Variants in KIAA0586 observed in about 807,000 individuals in gnomAD.
The protein encoded by KIAA0586 is KIAA0586, also known as protein TALPID3.
A neutral mutation model predicts 169.8 loss-of-function variants in KIAA0586; 144 were observed. The observed-to-expected ratio is 0.85, with a 90% confidence interval of 0.74 to 0.97. KIAA0586 has a LOEUF of 0.97. Among genes scored for constraint, KIAA0586 ranks in the 50% least tolerant of loss-of-function variants. The pLI, the probability that KIAA0586 is intolerant of heterozygous loss-of-function variation, is 0.00. For missense variants in KIAA0586, 1,854 were observed against 1,823.0 expected (o/e 1.02, Z -0.31); for synonymous variants, 625 against 612.4 (o/e 1.02, Z -0.30).
At chr14:58,539,349 A>C (rs2046496367) in intron 29 of KIAA0586, among the ~76,000 whole-genome samples, 1 of 152,154 alleles carries the variant, frequency 6.6e-6, no homozygotes, top group African/African-American at 2.4e-5. Flanking sequence ...AATTTTTTTC[A>C]TATCACCCTA....
rs372841738 is a variant in KIAA0586, at chr14:58,477,245, A to C, written c.2944+4A>C. The C allele has an allele frequency of 1.1e-5, 16 of 1,433,062 alleles. No homozygotes were observed. The highest frequency in any genetic ancestry group is 1.5e-5 in the Non-Finnish European group (16 of 1,040,482). The allele number at this position is 1,433,062 out of a possible 1,614,324, so 88.8% of individuals were successfully genotyped here. A position where few individuals can be genotyped will look rare whatever the true frequency, so the allele number is the denominator to read the frequency against. The stretch of plus-strand genomic sequence containing the variant: ...GAACCACTGACTTCTGACATTGGTA[A>C]GTGAAATAGAATTTTTTTTTGTTTT... On this transcript the variant is annotated splice_donor_region_variant and intron_variant, in intron 20 of 30. Transcript: ENST00000652326.
At position 58,459,937 on chromosome 14, in the gene KIAA0586, C is replaced by T; in HGVS notation, c.1751C>T (p.Thr584Ile). The T allele has an allele frequency of 6.5e-7, 1 of 1,532,066 alleles. No individual in the cohort carries two copies. The highest frequency in any genetic ancestry group is 1.2e-5 in the South Asian group (1 of 83,898). The allele number at this position is 1,532,066 out of a possible 1,614,324, so 94.9% of individuals were successfully genotyped here. A position where few individuals can be genotyped will look rare whatever the true frequency, so the allele number is the denominator to read the frequency against. ...CAGAATATGACTAAAGATATTAGAACCAACACACAAGATAAAACTGTCAAC... is the reference window on the plus strand; with the variant it reads ...CAGAATATGACTAAAGATATTAGAATCAACACACAAGATAAAACTGTCAAC... Reference protein sequence around the residue: ...KGQNMTKDIRTNTQDKTVNKS... With the variant: ...KGQNMTKDIRINTQDKTVNKS... Residue 584 changes from threonine to isoleucine, a missense_variant, in exon 13 of 31, where the codon ACC becomes ATC. By Grantham distance (89) the Thr-to-Ile change is moderately conservative (BLOSUM62 -1). Coordinates refer to ENST00000652326, the MANE Select transcript of KIAA0586 (RefSeq NM_001329943.3).
chr14:58,547,193 C>G (rs1333589868), intron 30 of KIAA0586, among the ~76,000 whole-genome samples: 1 of 151,624 alleles, frequency 6.6e-6, no homozygotes, highest in Non-Finnish European at 1.5e-5. Context: ...AACCACAAAC[C>G]TTTAATTTCT....
chr14:58,498,693 A>G (rs1225794503), intron 26 of KIAA0586, 90 bp from the exon 27 acceptor site: 2 of 1,100,818 alleles, frequency 1.8e-6, no homozygotes, highest in Non-Finnish European at 2.5e-6. Flanking sequence ...CAAGGAGTCA[A>G]AGGGTATTGT....
chr14:58,451,069 A>G (rs2039335357), intron 8 of KIAA0586, among the ~76,000 whole-genome samples: 1 of 148,006 alleles, frequency 6.8e-6, no homozygotes, highest in Non-Finnish European at 1.5e-5. Context: ...GCTCACTGCA[A>G]GCTCCGCCTC....
At chr14:58,543,202 T>C (rs1457517472) in intron 30 of KIAA0586, among the ~76,000 whole-genome samples, 1 of 151,550 alleles carries the variant, frequency 6.6e-6, no homozygotes, top group Non-Finnish European at 1.5e-5. Context: ...TTGAGAAAAC[T>C]GGGGTTCAGA....
At chr14:58,439,129 A>G (rs571669437) in intron 4 of KIAA0586, among the ~76,000 whole-genome samples, 1 of 152,272 alleles carries the variant, frequency 6.6e-6, no homozygotes, top group Admixed American at 6.5e-5. Flanking sequence ...CACTTAATAA[A>G]TAGTTCTATG....
chr14:58,519,268 A>G (rs1280188265), intron 29 of KIAA0586, among the ~76,000 whole-genome samples: 1 of 152,220 alleles, frequency 6.6e-6, no homozygotes. Flanking sequence ...TTATAGAGAT[A>G]GAGTTTCACT....
chr14:58,474,674 C>A lies in KIAA0586; in HGVS notation c.2702C>A (p.Ala901Asp), dbSNP rs2041470392. The A allele has an allele frequency of 6.2e-7, 1 of 1,612,256 alleles. No individual in the cohort carries two copies. Among genetic ancestry groups the A allele is most frequent in the Non-Finnish European group, 8.5e-7 (1 of 1,179,192 alleles). ...PILEFNRSVKADSTKYNGPPF... is the reference protein window; with the variant it reads ...PILEFNRSVKDDSTKYNGPPF... ...CTGGAGTTTAACAGAAGTGTTAAAG[C>A]TGATTCTACAAAATATAATGGTCCT... Residue 901 changes from alanine (A) to aspartate (D), a missense_variant, in exon 19 of 31, where the codon GCT becomes GAT. Transcript: ENST00000652326.
chr14:58,428,215 G>A lies in KIAA0586; in HGVS notation c.-50G>A, dbSNP rs763281152. The A allele has an allele frequency of 1.3e-6, 2 of 1,576,008 alleles. No homozygotes were observed. Among genetic ancestry groups the A allele is most frequent in the Admixed American group, 3.9e-5 (2 of 51,178 alleles). ...TTTGTTCTGAAGTCTTAAGGAAACA[G>A]AGAAAGTTTTTCCGTCCTTAAGTGT... On this transcript the variant is annotated 5_prime_UTR_variant, in exon 1 of 31. Transcript: ENST00000652326.
intron 29 of KIAA0586, chr14:58,521,176 C>T: frequency 5.9e-6 from 4 of 678,526 alleles, no homozygotes; most frequent in Admixed American, 4.9e-5. Context: ...TTTTTTTGAT[C>T]TTCAGCTACA....
At chr14:58,471,337 C>A (rs2041199876) in intron 17 of KIAA0586, among the ~76,000 whole-genome samples, 1 of 152,130 alleles carries the variant, frequency 6.6e-6, no homozygotes, top group Non-Finnish European at 1.5e-5. Flanking sequence ...TATAGATATC[C>A]TAAATGAATT....
At chr14:58,479,725 T>A (rs1389145307) in intron 20 of KIAA0586, among the ~76,000 whole-genome samples, 1 of 152,184 alleles carries the variant, frequency 6.6e-6, no homozygotes, top group Non-Finnish European at 1.5e-5. Context: ...AAGTTCTTTT[T>A]TGTTTGGGGT....
At chr14:58,438,006 A>G (rs1399829410) in intron 4 of KIAA0586, among the ~76,000 whole-genome samples, 6 of 152,200 alleles carry the variant, frequency 3.9e-5, no homozygotes, top group African/African-American at 1.4e-4. Context: ...TTAGGTTCCA[A>G]GTGTGATATG....
chr14:58,553,537 T>G (rs1003238390), downstream of KIAA0586, among the ~76,000 whole-genome samples: 5 of 52,364 alleles, frequency 9.5e-5, no homozygotes, highest in East Asian at 1.1e-3. Flanking sequence ...AATATCTGGG[T>G]TTTTTTTTTT....
At chr14:58,491,018 G>T (rs2042805530) in intron 25 of KIAA0586, among the ~76,000 whole-genome samples, 1 of 152,032 alleles carries the variant, frequency 6.6e-6, no homozygotes, top group Non-Finnish European at 1.5e-5. Context: ...GCAAGTAATT[G>T]GTTGAGCTAA....
At chr14:58,439,773 A>G in intron 4 of KIAA0586, 2 of 920,234 alleles carry the variant, frequency 2.2e-6, no homozygotes, top group Non-Finnish European at 2.6e-6. Context: ...GGGAAATATC[A>G]AAGAGGAGTA....
At chr14:58,450,787 T>C (rs535943301) in intron 8 of KIAA0586, 41 bp downstream of exon 8, 2 of 1,331,808 alleles carry the variant, frequency 1.5e-6, no homozygotes, top group South Asian at 2.5e-5. Flanking sequence ...AATTAGGAAA[T>C]TGTCATGAGA....
At chr14:58,442,111 T>TTTTG (rs1436588789) in intron 4 of KIAA0586, 1 of 152,010 alleles carries the variant, frequency 6.6e-6, no homozygotes. Flanking sequence ...TGTTTGTTTG[T>TTTTG]TTTGTTTGTT....
Sources: allele counts gnomAD v4.1 joint callset (sites outside exome capture counted in the v4.1 genomes callset), GRCh38; gene constraint gnomAD v4.1.1; transcripts MANE v1.5; gene names NCBI Gene and HGNC (gene_info 2026-07-23, HGNC 2026-07-21).